The following CILP2 variants were observed in gnomAD, a reference collection of about 807,000 sequenced individuals.
CILP2 encodes cartilage intermediate layer protein 2.
Under a neutral mutation model 45.6 loss-of-function variants are expected in CILP2, and 38 were observed. That is an observed-to-expected ratio of 0.83 (90% CI 0.64 to 1.09). CILP2 has a LOEUF of 1.09. CILP2 is among the 50% of genes least tolerant of loss of function. CILP2 has a pLI of 0.00. For missense variants in CILP2, 1,735 were observed against 1,662.2 expected (o/e 1.04, Z -0.76); for synonymous variants, 780 against 723.5 (o/e 1.08, Z -1.25).
rs1254556007 is a variant in CILP2 at position 19,543,275 on chromosome 19, G to A, written c.1005G>A (p.Arg335=). 6.2e-7 allele frequency: 1 copy of A among 1,613,614 alleles called. No homozygotes were observed. Residue 335 remains arginine, a synonymous_variant, in exon 7 of 8, where the codon AGG becomes AGA. Coordinates refer to ENST00000291495, the MANE Select transcript of CILP2 (RefSeq NM_153221.2). ...TCCACAATGGGACCCTGCTGGACAGGCGAGCTCATGGGTACGGGGCCCACC... is the reference window on the plus strand; with the variant it reads ...TCCACAATGGGACCCTGCTGGACAGACGAGCTCATGGGTACGGGGCCCACC... ...SWFHNGTLLD[R]RAHGYGAHLE...
Position 19,545,996 on chromosome 19 carries a change from C to T in CILP2, c.3451C>T (p.Arg1151Trp), listed in dbSNP as rs533787812. Reference protein sequence around the residue: ...ARASGPLRTRRGRVRQ With the variant: ...ARASGPLRTRWGRVRQ Reference sequence around the variant, plus strand: ...GGCCTCAGGTCCCCTCCGCACCCGCCGGGGTAGGGTCCGGCAGTGACCTGG... The same window carrying T: ...GGCCTCAGGTCCCCTCCGCACCCGCTGGGGTAGGGTCCGGCAGTGACCTGG... Residue 1151 changes from arginine (R) to tryptophan (W), a missense_variant, in exon 8 of 8, where the codon CGG becomes TGG. Coordinates refer to ENST00000291495, the MANE Select transcript of CILP2 (RefSeq NM_153221.2). 3.2e-5 allele frequency: 48 copies of T among 1,498,560 alleles called. No homozygotes were observed. In the South Asian group the frequency reaches 4.7e-4, roughly 15 times the overall value. 92.8% of individuals were successfully genotyped at this position (1,498,560 alleles called of 1,614,324 possible).
rs773765517 is a variant in CILP2 at position 19,545,348 on chromosome 19, G to A, written c.2803G>A (p.Glu935Lys). 5 of 1,612,360 alleles carry A rather than the reference G, an allele frequency of 3.1e-6. No homozygotes were observed. Among genetic ancestry groups the A allele is most frequent in the South Asian group, 2.2e-5 (2 of 90,952 alleles). ...DLLAWWPNPQ[E>K]FRACFLKVKI... ...CCTGGCCTGGTGGCCCAACCCGCAG[G>A]AGTTCCGGGCCTGCTTCCTCAAGGT... Residue 935 changes from glutamate (E) to lysine (K), a missense_variant, in exon 8 of 8, where the codon GAG (glutamate) becomes AAG (lysine). Glu to Lys is a moderately conservative substitution (Grantham distance 56). Coordinates refer to ENST00000291495, the MANE Select transcript of CILP2 (RefSeq NM_153221.2).
chr19:19,542,208 C>G (rs1180821762), intron 4 of CILP2, among the ~76,000 whole-genome samples, 167 bp from the exon 5 acceptor site: 1 of 152,154 alleles, frequency 6.6e-6, no homozygotes, highest in Non-Finnish European at 1.5e-5. Flanking sequence ...AGCCCATCTC[C>G]CCTTCACACT....
In CILP2 at chr19:19,545,803, C is replaced by G. The variant is rs761561596; in HGVS notation, c.3258C>G (p.Asp1086Glu). 5.0e-6 allele frequency: 8 copies of G among 1,593,894 alleles called. No homozygotes were observed. In the East Asian group the frequency reaches 1.1e-4, roughly 22 times the overall value. The change falls in exon 8 of 8, where the codon GAC becomes GAG. Residue 1086 changes from aspartate (D) to glutamate (E), a missense_variant. Coordinates refer to ENST00000291495, the MANE Select transcript of CILP2 (RefSeq NM_153221.2). ...GCCGCTGCTTTGATGGTTCCTCTGA[C>G]GGCTTCTCCAGAGAGATGAAGGCTG... ...AIGRCFDGSS[D>E]GFSREMKADA...
intron 1 of CILP2, 63 bp from the exon 2 acceptor site, chr19:19,539,616 G>T: frequency 1.7e-6 from 2 of 1,180,878 alleles, no homozygotes; most frequent in South Asian, 1.7e-5. Context: ...TTGCCTAAAA[G>T]GAGGCTCCCA....
chr19:19,545,720 T>C lies in CILP2; in HGVS notation c.3175T>C (p.Tyr1059His). 4 of 1,613,182 alleles carry C rather than the reference T, an allele frequency of 2.5e-6. No homozygotes were observed. The highest frequency in any genetic ancestry group is 2.5e-6 in the Non-Finnish European group (3 of 1,179,812). ...LAPLDPLGHN[Y>H]GVYTVTDQSP... ...CCCCCTAGACCCTCTGGGCCACAAC[T>C]ATGGCGTCTACACTGTCACTGACCA... The change falls in exon 8 of 8, where the codon TAT becomes CAT. Residue 1059 changes from tyrosine (Y) to histidine (H), a missense_variant. Physicochemically the swap from Tyr to His is moderately conservative, Grantham distance 83 (BLOSUM62 2). Transcript: ENST00000291495.
chr19:19,544,420 G>A lies in CILP2; in HGVS notation c.1875G>A (p.Leu625=), dbSNP rs2061255652. The change falls in exon 8 of 8, where the codon CTG becomes CTA. Residue 625 remains leucine (L), a synonymous_variant. Coordinates refer to ENST00000291495, the MANE Select transcript of CILP2 (RefSeq NM_153221.2). The part of the protein sequence containing the change: ...LTSAASAPSD[L]RFVDSDGELA... Reference sequence around the variant, plus strand: ...CGGCGGCGTCTGCCCCCAGTGACCTGCGCTTCGTGGACAGCGACGGCGAGC... The same window carrying A: ...CGGCGGCGTCTGCCCCCAGTGACCTACGCTTCGTGGACAGCGACGGCGAGC... 1 of 1,610,536 alleles carries A rather than the reference G, an allele frequency of 6.2e-7. No individual in the cohort carries two copies. The highest frequency in any genetic ancestry group is 2.2e-5 in the East Asian group (1 of 44,854).
rs1314210898 is a variant in CILP2, at chr19:19,543,920, G to A, written c.1375G>A (p.Val459Met). The A allele has an allele frequency of 2.5e-6, 4 of 1,613,600 alleles. No homozygotes were observed. Among genetic ancestry groups the A allele is most frequent in the Admixed American group, 1.7e-5 (1 of 59,958 alleles). Residue 459 changes from valine (V) to methionine (M), a missense_variant, in exon 8 of 8, where the codon GTG becomes ATG. Transcript: ENST00000291495. ...CCCTGGCTACGTCCTCCCAGTGAAG[G>A]TGGTGGCAGAGTGTGGCTGCCAGAA... The part of the protein sequence containing the change: ...HCPGYVLPVK[V>M]VAECGCQKCL...
chr19:19,540,934 TG>T, intron 3 of CILP2, 156 bp from the exon 4 acceptor site: 1 of 648,968 alleles, frequency 1.5e-6, no homozygotes, highest in Non-Finnish European at 2.2e-6. Flanking sequence ...TAGGGGAGCA[TG>T]GGTGGGGGCG....
In CILP2 at chr19:19,545,199, G is replaced by A. The variant is rs1463125595; in HGVS notation, c.2654G>A (p.Arg885Gln). The A allele has an allele frequency of 6.2e-7, 1 of 1,612,564 alleles. No homozygotes were observed. Among genetic ancestry groups the A allele is most frequent in the Non-Finnish European group, 8.5e-7 (1 of 1,179,736 alleles). ...CCTGTGTACCCGTGGCGCAGCCTGCGGGAATGCCAGGGGGCCCCGGTGACT... is the reference window on the plus strand; with the variant it reads ...CCTGTGTACCCGTGGCGCAGCCTGCAGGAATGCCAGGGGGCCCCGGTGACT... ...NGPVYPWRSL[R>Q]ECQGAPVTAS... The change falls in exon 8 of 8, where the codon CGG (arginine) becomes CAG (glutamine). Residue 885 changes from arginine to glutamine, a missense_variant. By Grantham distance (43) the Arg-to-Gln change is conservative. Coordinates refer to ENST00000291495, the MANE Select transcript of CILP2 (RefSeq NM_153221.2).
In CILP2 at chr19:19,545,142, C is replaced by T. The variant is rs756268178; in HGVS notation, c.2597C>T (p.Pro866Leu). The T allele has an allele frequency of 1.2e-6, 2 of 1,612,346 alleles. No homozygotes were observed. Among genetic ancestry groups the T allele is most frequent in the African/African-American group, 1.3e-5 (1 of 74,938 alleles). The change falls in exon 8 of 8, where the codon CCC (proline) becomes CTC (leucine). Residue 866 changes from proline to leucine, a missense_variant. By Grantham distance (98) the Pro-to-Leu change is moderately conservative. Coordinates refer to ENST00000291495, the MANE Select transcript of CILP2 (RefSeq NM_153221.2). ...GGCTTCCGCATCAACCTCGCCAAGC[C>T]CAGGCCAGGTGACCCCGCCGAGGCC... ...RNGFRINLAK[P>L]RPGDPAEANG...
At position 19,542,668 on chromosome 19, in the gene CILP2, A is replaced by G. The variant is rs1472911969; in HGVS notation, c.868+18A>G. 1 of 1,609,844 alleles carries G rather than the reference A, an allele frequency of 6.2e-7. No homozygotes were observed. Among genetic ancestry groups the G allele is most frequent in the African/African-American group, 1.3e-5 (1 of 74,980 alleles). ...TAAGTTGGGTAAGCACCCTTGCAAC[A>G]TGGGGCATGAAGGGGCTGAGGATCT... On this transcript the variant is annotated intron_variant, in intron 5 of 7. Transcript: ENST00000291495.
chr19:19,540,556 G>A (rs1244629570), intron 3 of CILP2, 80 bp downstream of exon 3: 1 of 1,192,286 alleles, frequency 8.4e-7, no homozygotes, highest in Non-Finnish European at 1.1e-6. Context: ...GTGGTGGGTG[G>A]GGCTGGGAGG....
Position 19,539,747 on chromosome 19 carries a change from C to A in CILP2, c.133C>A (p.Gln45Lys). The change falls in exon 2 of 8, where the codon CAG (glutamine) becomes AAG (lysine). Residue 45 changes from glutamine (Q) to lysine (K), a missense_variant. Transcript: ENST00000291495. Reference sequence around the variant, plus strand: ...GGAAAGACGGTCCGTGTACACCGGCCAGCCCTCACCAGCCCTGGAGGACTG... The same window carrying A: ...GGAAAGACGGTCCGTGTACACCGGCAAGCCCTCACCAGCCCTGGAGGACTG... ...GLERRSVYTG[Q>K]PSPALEDWEE... 3.7e-6 allele frequency: 6 copies of A among 1,602,502 alleles called. No individual in the cohort carries two copies. The highest frequency in any genetic ancestry group is 5.1e-6 in the Non-Finnish European group (6 of 1,173,534).
Position 19,544,069 on chromosome 19 carries a change from C to T in CILP2, c.1524C>T (p.Asp508=). 3 of 1,614,008 alleles carry T rather than the reference C, an allele frequency of 1.9e-6. No individual in the cohort carries two copies. Residue 508 remains aspartate, a synonymous_variant, in exon 8 of 8, where the codon GAC becomes GAT. Transcript: ENST00000291495. ...TCGGCTTCACCGCCTACCAGGGCGA[C>T]TTTACCATTGAGGTGCCGCCCTCCA... The part of the protein sequence containing the change: ...EPIGFTAYQG[D]FTIEVPPSTQ...
chr19:19,546,022 G>T lies in CILP2; in HGVS notation c.*6G>T. On this transcript the variant is annotated 3_prime_UTR_variant, in exon 8 of 8. Transcript: ENST00000291495. ...GGGGTAGGGTCCGGCAGTGACCTGGGCAGGGGCCTCGCTTTCCCACCTCCC... is the reference window on the plus strand; with the variant it reads ...GGGGTAGGGTCCGGCAGTGACCTGGTCAGGGGCCTCGCTTTCCCACCTCCC... 1.4e-6 allele frequency: 2 copies of T among 1,455,474 alleles called. No individual in the cohort carries two copies. The highest frequency in any genetic ancestry group is 1.5e-5 in the South Asian group (1 of 67,858). 90.2% of individuals were successfully genotyped at this position (1,455,474 alleles called of 1,614,324 possible).
Position 19,543,308 on chromosome 19 carries a change from G to C in CILP2, c.1038G>C (p.Leu346=), listed in dbSNP as rs7252453. The change falls in exon 7 of 8, where the codon CTG becomes CTC. Residue 346 remains leucine (L), a synonymous_variant. Coordinates refer to ENST00000291495, the MANE Select transcript of CILP2 (RefSeq NM_153221.2). The part of the protein sequence containing the change: ...RAHGYGAHLE[L]RGLRPDQAGI... ...ATGGGTACGGGGCCCACCTGGAGCT[G>C]CGGGGACTGCGCCCAGACCAGGCTG... 311,377 of 1,613,382 alleles carry C rather than the reference G, an allele frequency of 0.19. 33,993 individuals carry two copies. The highest frequency in any genetic ancestry group is 0.45 in the African/African-American group (33,934 of 74,968).
chr19:19,541,376 G>A (rs1349792601), intron 4 of CILP2, 130 bp downstream of exon 4: 1 of 867,694 alleles, frequency 1.2e-6, no homozygotes, highest in East Asian at 3.3e-5. Context: ...CTTCTCCTGA[G>A]CGATGCCTAG....
At position 19,545,986 on chromosome 19, in the gene CILP2, C is replaced by G. The variant is rs371775220; in HGVS notation, c.3441C>G (p.Leu1147=). Residue 1147 remains leucine (L), a synonymous_variant, in exon 8 of 8, where the codon CTC becomes CTG. Coordinates refer to ENST00000291495, the MANE Select transcript of CILP2 (RefSeq NM_153221.2). The stretch of plus-strand genomic sequence containing the variant: ...CACAGGCCCGGGCCTCAGGTCCCCT[C>G]CGCACCCGCCGGGGTAGGGTCCGGC... ...AQAQARASGP[L]RTRRGRVRQ 1.1e-4 allele frequency: 161 copies of G among 1,507,038 alleles called. No homozygotes were observed. The African/African-American group carries it at 2.0e-3, about 18-fold the overall frequency. 93.4% of individuals were successfully genotyped at this position (1,507,038 alleles called of 1,614,324 possible). A position where few individuals can be genotyped will look rare whatever the true frequency, so the allele number is the denominator to read the frequency against.
Sources: allele counts gnomAD v4.1 joint callset (sites outside exome capture counted in the v4.1 genomes callset), GRCh38; gene constraint gnomAD v4.1.1; transcripts MANE v1.5; gene names NCBI Gene and HGNC (gene_info 2026-07-23, HGNC 2026-07-21).